Variants in TBXAS1 observed in about 807,000 individuals in gnomAD.
TBXAS1 encodes thromboxane-A synthase.
Under a neutral mutation model 60.7 loss-of-function variants are expected in TBXAS1, and 48 were observed. That is an observed-to-expected ratio of 0.79 (90% CI 0.63 to 1.01). TBXAS1 has a LOEUF of 1.01. TBXAS1 is among the 50% of genes least tolerant of loss of function. The pLI is 0.00. For missense variants in TBXAS1, 685 were observed against 686.3 expected, an observed-to-expected ratio of 1.00 and a Z score of 0.02; for synonymous variants, 287 against 269.7, an observed-to-expected ratio of 1.06 and a Z score of -0.63.
chr7:139,846,519 G>A (rs551824573), intron 1 of TBXAS1, among the ~76,000 whole-genome samples: 1 of 152,300 alleles, frequency 6.6e-6, no homozygotes, highest in South Asian at 2.1e-4. Flanking sequence ...ATAAACATTA[G>A]CTCTTAGTGT....
At chr7:139,839,763 G>A (rs1318177668) in intron 1 of TBXAS1, among the ~76,000 whole-genome samples, 5 of 151,640 alleles carry the variant, frequency 3.3e-5, no homozygotes, top group Non-Finnish European at 5.9e-5. Flanking sequence ...GGCTGAGGTC[G>A]GAGGATCTCT....
chr7:139,801,104 A>G (rs1480943496), intron 4 of TBXAS1, among the ~76,000 whole-genome samples: 3 of 152,246 alleles, frequency 2.0e-5, no homozygotes, highest in Non-Finnish European at 4.4e-5. Flanking sequence ...GAGGGAAATC[A>G]GTATCTTTGC....
chr7:139,855,903 T>C (rs746289230), intron 1 of TBXAS1, among the ~76,000 whole-genome samples: 4 of 152,052 alleles, frequency 2.6e-5, no homozygotes, highest in Non-Finnish European at 4.4e-5. Context: ...ATAAAGCGAG[T>C]GAAAAAAGCA....
At chr7:139,923,325 C>CGA (rs146019005) in intron 4 of TBXAS1, among the ~76,000 whole-genome samples, 187 of 149,748 alleles carry the variant, frequency 1.2e-3, no homozygotes, top group African/African-American at 3.3e-3. Context: ...AGACCCTGTC[C>CGA]GAGAGAGAGA....
At chr7:139,872,856 G>A (rs529975153) in intron 2 of TBXAS1, among the ~76,000 whole-genome samples, 14 of 152,192 alleles carry the variant, frequency 9.2e-5, no homozygotes, top group Non-Finnish European at 1.9e-4. Flanking sequence ...TATGTATTGA[G>A]TCCTGTCATC....
intron 1 of TBXAS1, among the ~76,000 whole-genome samples, chr7:139,853,440 T>C (rs1019542302): frequency 6.6e-6 from 1 of 152,200 alleles, no homozygotes; most frequent in African/African-American, 2.4e-5. Context: ...CAGTGTGACC[T>C]TGGGCCAGTT....
intron 5 of TBXAS1, among the ~76,000 whole-genome samples, chr7:139,940,191 C>A (rs1320812487): frequency 6.6e-6 from 1 of 152,150 alleles, no homozygotes; most frequent in East Asian, 1.9e-4. Flanking sequence ...GGCTCTAAGC[C>A]ATGGTGTAGA....
chr7:139,801,305 C>CT (rs1372980956), intron 4 of TBXAS1, among the ~76,000 whole-genome samples: 1 of 152,178 alleles, frequency 6.6e-6, no homozygotes, highest in African/African-American at 2.4e-5. Flanking sequence ...ATATGATGAG[C>CT]TTTGATCTAC....
intron 3 of TBXAS1, among the ~76,000 whole-genome samples, chr7:139,904,993 TTC>T (rs751056806): frequency 8.0e-5 from 10 of 125,442 alleles, no homozygotes; most frequent in African/African-American, 2.4e-4. Flanking sequence ...CTTTCTCTCT[TTC>T]TCTCTTTCTC....
chr7:139,864,821 G>A (rs1344374131), intron 1 of TBXAS1, among the ~76,000 whole-genome samples: 7 of 152,118 alleles, frequency 4.6e-5, no homozygotes, highest in Admixed American at 4.6e-4. Flanking sequence ...TCAGCTGTGG[G>A]ACAGGATTAT....
intron 1 of TBXAS1, among the ~76,000 whole-genome samples, chr7:139,855,011 C>T (rs6969628): frequency 0.091 from 13,769 of 152,042 alleles, 1,794 homozygotes; most frequent in African/African-American, 0.29. Flanking sequence ...ATGTTTGTCT[C>T]CTCCAAAAAT....
At chr7:139,945,485 G>A (rs1359278115) in intron 5 of TBXAS1, among the ~76,000 whole-genome samples, 1 of 152,118 alleles carries the variant, frequency 6.6e-6, no homozygotes, top group Non-Finnish European at 1.5e-5. Context: ...TGTTTCTTGG[G>A]TACCTTCTAT....
intron 4 of TBXAS1, among the ~76,000 whole-genome samples, chr7:139,921,081 C>T (rs1436478579): frequency 1.3e-5 from 2 of 152,034 alleles, no homozygotes; most frequent in Non-Finnish European, 2.9e-5. Context: ...TTTATTATTC[C>T]TTAGTATTTT....
rs1211468560 is a variant in TBXAS1 at position 139,778,521 on chromosome 7, A to G, written c.-318+50A>G. The G allele has an allele frequency of 1.3e-5, 2 of 152,262 alleles. No individual in the cohort carries two copies. Among genetic ancestry groups the G allele is most frequent in the Non-Finnish European group, 2.9e-5 (2 of 68,150 alleles). The allele number at this position is 152,262 out of a possible 1,614,324, so 9.4% of individuals were successfully genotyped here. ...GGAGTGGGCGCGCGCCGTGCTCCGG[A>G]GGAGGGCGGGTGAGTGGAGGAGCTT... is the stretch of plus-strand genomic sequence containing the variant. On this transcript the variant is annotated intron_variant, in intron 1 of 16. Coordinates refer to the TBXAS1 transcript ENST00000336425. The surrounding 1 kb of genome is among the most constrained non-coding windows in gnomAD (Gnocchi z 4.8).
chr7:139,983,350 T>C (rs996110020), intron 9 of TBXAS1, among the ~76,000 whole-genome samples: 4 of 152,212 alleles, frequency 2.6e-5, no homozygotes, highest in Non-Finnish European at 5.9e-5. Context: ...GAAAAACTAT[T>C]ATTTGTTGTG....
At chr7:139,984,233 G>A (rs1460881845) in intron 9 of TBXAS1, among the ~76,000 whole-genome samples, 1 of 152,180 alleles carries the variant, frequency 6.6e-6, no homozygotes, top group Admixed American at 6.5e-5. Flanking sequence ...TGGTTAAGTG[G>A]AATAACATAC....
intron 3 of TBXAS1, among the ~76,000 whole-genome samples, chr7:139,905,003 CTCTCTTTCTTTCTTTCTTTCTT>C (rs1804889199): frequency 1.1e-5 from 1 of 88,108 alleles, no homozygotes; most frequent in African/African-American, 5.3e-5. Context: ...TTCTCTCTTT[CTCTCTTTCTTTCTTTCTTTCTT>C]TCTTTCTTTC....
intron 4 of TBXAS1, among the ~76,000 whole-genome samples, chr7:139,912,709 G>T (rs1236240973): frequency 4.6e-5 from 7 of 152,192 alleles, no homozygotes; most frequent in African/African-American, 1.4e-4. Flanking sequence ...AGCTTATTGG[G>T]TGTGAGGTGC....
chr7:139,940,243 G>A (rs1403270112), intron 5 of TBXAS1, among the ~76,000 whole-genome samples: 5 of 152,176 alleles, frequency 3.3e-5, no homozygotes, highest in South Asian at 2.1e-4. Context: ...CTGGGCTGTG[G>A]AAGATGGGTG....
Sources: gnomAD v4.1 joint callset for allele counts (sites outside exome capture counted in the v4.1 genomes callset) on GRCh38, gnomAD v4.1.1 for gene constraint, Gnocchi (gnomAD v3.1) non-coding constraint, MANE v1.5 for transcripts, NCBI Gene and HGNC (gene_info 2026-07-23, HGNC 2026-07-21) for gene names.